Variants in USP33 observed in about 807,000 individuals in gnomAD.
USP33 encodes ubiquitin specific peptidase 33.
A neutral mutation model predicts 124.2 loss-of-function variants in USP33; 46 were observed. That is an observed-to-expected ratio of 0.37 (90% CI 0.29 to 0.47). The LOEUF is 0.47. Among genes scored for constraint, USP33 ranks in the 20% least tolerant of loss-of-function variants. The probability of loss-of-function intolerance (pLI) is 0.99; values close to 1 mark genes in which losing one functional copy is unlikely to be tolerated. For synonymous variants in USP33, 350 were observed against 352.3 expected (o/e 0.99, Z 0.07); for missense variants, 851 against 1,070.6 (o/e 0.79, Z 2.86).
In USP33 at chr1:77,717,805, C is replaced by T. The variant is rs574788940; in HGVS notation, c.1918+62G>A. ...CTGGTATTACAGGTATGAGCCACCA[C>T]GCCCAGGCTTATTTTAATTTTTTTT... On this transcript the variant is annotated intron_variant, in intron 17 of 23. Coordinates refer to ENST00000370794, the MANE Select transcript of USP33 (RefSeq NM_201624.3). 1.7e-4 allele frequency: 246 copies of T among 1,432,092 alleles called. 1 individual carries two copies. The highest frequency in any genetic ancestry group is 6.6e-4 in the South Asian group (38 of 57,214). 88.7% of individuals were successfully genotyped at this position (1,432,092 alleles called of 1,614,324 possible). A position where few individuals can be genotyped will look rare whatever the true frequency, so the allele number is the denominator to read the frequency against.
intron 8 of USP33, among the ~76,000 whole-genome samples, chr1:77,730,294 T>C (rs1279130955): frequency 3.9e-5 from 6 of 152,244 alleles, no homozygotes; most frequent in Non-Finnish European, 7.3e-5. Context: ...AATATTCATA[T>C]AGTATTTAGG....
chr1:77,711,384 T>C lies in USP33; in HGVS notation c.2406+363A>G, dbSNP rs558055119. ...TCTACTAAAAATACAAAAATTAGCC[T>C]AGCGTGGTGGGGCATGCCTGTAGTT... On this transcript the variant is annotated intron_variant, in intron 21 of 23. Coordinates refer to ENST00000370794, the MANE Select transcript of USP33 (RefSeq NM_201624.3). 4.2e-4 allele frequency: 70 copies of C among 166,606 alleles called. 2 individuals carry two copies. The Middle Eastern group carries it at 0.019, about 45-fold the overall frequency. 10.3% of individuals were successfully genotyped at this position (166,606 alleles called of 1,614,324 possible).
intron 1 of USP33, among the ~76,000 whole-genome samples, chr1:77,751,764 C>CT (rs1224419975): frequency 6.6e-6 from 1 of 151,922 alleles, no homozygotes; most frequent in East Asian, 2.0e-4. Context: ...TCTCAGCTCA[C>CT]TGCAAGCTCC....
At chr1:77,718,688 T>A (rs771468858) in intron 15 of USP33, 47 bp from the exon 16 acceptor site, 2 of 1,444,186 alleles carry the variant, frequency 1.4e-6, no homozygotes, top group East Asian at 4.6e-5. Context: ...AAAAACTTAG[T>A]ATATTTAAAT....
chr1:77,697,722 G>A, intron 23 of USP33, 141 bp downstream of exon 23: 2 of 1,007,336 alleles, frequency 2.0e-6, no homozygotes, highest in Non-Finnish European at 2.9e-6. Flanking sequence ...AAAAGTGGCT[G>A]CTTTTCATTA....
chr1:77,701,335 T>C, intron 22 of USP33, 34 bp downstream of exon 22: 1 of 1,497,098 alleles, frequency 6.7e-7, no homozygotes. Flanking sequence ...AACAAATAAT[T>C]TACCAAAAAA....
intron 12 of USP33, 106 bp from the exon 13 acceptor site, chr1:77,722,302 AAAAAC>A (rs1676652910): frequency 9.4e-7 from 1 of 1,068,084 alleles, no homozygotes; most frequent in Non-Finnish European, 1.3e-6. Flanking sequence ...AATAAGCAAA[AAAAAC>A]AAAAAACAAA....
In USP33 at chr1:77,717,317, G is replaced by A. The variant is rs1322887162; in HGVS notation, c.1918+550C>T. On this transcript the variant is annotated intron_variant, in intron 17 of 23. Transcript: ENST00000370794. Reference sequence around the variant, plus strand: ...ATCCTGGCTAACACGGTGAAACCCCGTCTCCACTAAAAATACAAAAAAATT... The same window carrying A: ...ATCCTGGCTAACACGGTGAAACCCCATCTCCACTAAAAATACAAAAAAATT... 3.9e-5 allele frequency among the ~76,000 whole-genome samples: 6 copies of A among 151,902 alleles called. No homozygotes were observed. In the South Asian group the frequency reaches 6.2e-4, roughly 16 times the overall value.
chr1:77,703,574 A>AT (rs1334527971), intron 21 of USP33, among the ~76,000 whole-genome samples: 1 of 152,164 alleles, frequency 6.6e-6, no homozygotes, highest in Non-Finnish European at 1.5e-5. Context: ...CAGTGGGCCG[A>AT]TATCGTGCCA....
chr1:77,741,621 G>C lies in USP33; in HGVS notation c.77C>G (p.Ser26Cys), dbSNP rs1421879997. The C allele has an allele frequency of 9.5e-6, 15 of 1,585,648 alleles. No individual in the cohort carries two copies. The highest frequency in any genetic ancestry group is 1.2e-5 in the Non-Finnish European group (14 of 1,170,522). Residue 26 changes from serine (S) to cysteine (C), a missense_variant, in exon 2 of 24, where the codon TCC becomes TGC. Ser to Cys is a moderately radical substitution (Grantham distance 112). This residue lies in a region of USP33 where 221 missense variants were observed against 302.9 expected (regional missense o/e 0.73). Transcript: ENST00000370794. ...AAGAAAAAACCTGTTTCTTACAAGG[G>C]ATTTTTGTATCAAATCTTCTTTTGT... ...EITKEDLIQKSLGTCQDCKVQ... is the reference protein window; with the variant it reads ...EITKEDLIQKCLGTCQDCKVQ...
chr1:77,758,753 G>C (rs926759426), intron 1 of USP33, among the ~76,000 whole-genome samples: 16 of 152,114 alleles, frequency 1.1e-4, no homozygotes, highest in African/African-American at 3.9e-4. Context: ...TTTTCTTAAA[G>C]GAAAAATAAT....
intron 1 of USP33, among the ~76,000 whole-genome samples, chr1:77,755,210 C>A (rs1329870796): frequency 1.3e-5 from 2 of 152,090 alleles, no homozygotes; most frequent in Non-Finnish European, 2.9e-5. Context: ...AAACCTAAAT[C>A]TTCAGTTCAG....
intron 1 of USP33, among the ~76,000 whole-genome samples, chr1:77,750,824 A>C (rs1010824859): frequency 6.7e-6 from 1 of 150,262 alleles, no homozygotes; most frequent in Non-Finnish European, 1.5e-5. Context: ...TTTATTTACT[A>C]AGGTAATAAA....
At chr1:77,725,566 C>A in intron 11 of USP33, 56 bp downstream of exon 11, 2 of 1,552,600 alleles carry the variant, frequency 1.3e-6, no homozygotes, top group East Asian at 2.3e-5. Flanking sequence ...GTACCAAAAC[C>A]ATCATTTTAA....
chr1:77,732,568 G>A (rs1425249276), intron 7 of USP33, among the ~76,000 whole-genome samples: 1 of 152,030 alleles, frequency 6.6e-6, no homozygotes, highest in Non-Finnish European at 1.5e-5. Context: ...TGAGAATAAA[G>A]ACCTACATCT....
intron 12 of USP33, among the ~76,000 whole-genome samples, chr1:77,723,030 T>C (rs1230695813): frequency 6.6e-6 from 1 of 152,216 alleles, no homozygotes; most frequent in African/African-American, 2.4e-5. Context: ...CCTGGGAGAA[T>C]ATGCAGGTGT....
At chr1:77,753,895 G>C (rs376077139) in intron 1 of USP33, among the ~76,000 whole-genome samples, 52 of 151,710 alleles carry the variant, frequency 3.4e-4, no homozygotes, top group East Asian at 3.1e-3. Context: ...GATATAGTAA[G>C]TACTCAGTAA....
chr1:77,726,760 G>C (rs114900699), intron 10 of USP33, among the ~76,000 whole-genome samples: 2,434 of 151,744 alleles, frequency 0.016, 30 homozygotes, highest in Non-Finnish European at 0.027. Flanking sequence ...AAGAAATGTA[G>C]GTATAAAGTA....
intron 22 of USP33, 145 bp downstream of exon 22, chr1:77,701,224 C>A (rs915775962): frequency 3.5e-6 from 2 of 564,330 alleles, no homozygotes; most frequent in Non-Finnish European, 6.1e-6. Flanking sequence ...AGAATATAAA[C>A]TAGAACGTAA....
Sources: allele counts gnomAD v4.1 joint callset (sites outside exome capture counted in the v4.1 genomes callset), GRCh38; gene constraint gnomAD v4.1.1; regional missense constraint gnomAD v4.1.1; transcripts MANE v1.5; gene names NCBI Gene and HGNC (gene_info 2026-07-23, HGNC 2026-07-21).